Variants in DPRX observed in about 807,000 individuals in gnomAD.
The protein encoded by DPRX is divergent paired-related homeobox.
Under a neutral mutation model 8.4 loss-of-function variants are expected in DPRX, and 11 were observed. The ratio of observed to expected loss-of-function variants is 1.31; its 90% CI spans 0.82 to 2.17. The LOEUF is 2.17. Ranked by LOEUF, DPRX falls within the 30% of genes most tolerant of loss-of-function variation. DPRX has a pLI of 0.00. For missense variants in DPRX, 211 were observed against 236.7 expected, an observed-to-expected ratio of 0.89 and a Z score of 0.71; for synonymous variants, 72 against 87.0, an observed-to-expected ratio of 0.83 and a Z score of 0.96.
At chr19:53,616,225 C>T in the DPRX span, among the ~76,000 whole-genome samples, 1 of 151,806 alleles carries the variant, frequency 6.6e-6, no homozygotes, top group Admixed American at 6.6e-5. Context: ...GCACTCCAGC[C>T]TGGGCAACAA....
the DPRX span, among the ~76,000 whole-genome samples, chr19:53,618,015 A>ATG: frequency 6.6e-6 from 1 of 151,106 alleles, no homozygotes; most frequent in Non-Finnish European, 1.5e-5. Flanking sequence ...GTGGCGGGGC[A>ATG]CCTGTAATCC....
At chr19:53,617,910 T>C in the DPRX span, among the ~76,000 whole-genome samples, 11 of 151,760 alleles carry the variant, frequency 7.2e-5, no homozygotes, top group East Asian at 1.9e-4. Context: ...GAGGCCAAGG[T>C]GGGCAGATCA....
At chr19:53,608,728 G>A in the DPRX span, among the ~76,000 whole-genome samples, 2 of 151,758 alleles carry the variant, frequency 1.3e-5, no homozygotes, top group African/African-American at 4.8e-5. Context: ...TGAGGCGGGC[G>A]GATCACGAGG....
At chr19:53,618,241 C>T in the DPRX span, among the ~76,000 whole-genome samples, 1 of 151,768 alleles carries the variant, frequency 6.6e-6, no homozygotes, top group Admixed American at 6.6e-5. Flanking sequence ...CCCCTTAACA[C>T]TTTTTGGAGA....
the DPRX span, among the ~76,000 whole-genome samples, chr19:53,615,537 T>G: frequency 2.0e-5 from 3 of 152,132 alleles, no homozygotes; most frequent in South Asian, 6.2e-4. Flanking sequence ...CACCTTGGCC[T>G]CCCAAAATGC....
the DPRX span, among the ~76,000 whole-genome samples, chr19:53,611,190 C>T: frequency 1.3e-5 from 2 of 152,244 alleles, no homozygotes; most frequent in Non-Finnish European, 2.9e-5. Context: ...GCGCGAGCCA[C>T]AGAGCCCAGC....
chr19:53,627,094 T>G (rs2091074309), upstream of DPRX, among the ~76,000 whole-genome samples: 1 of 152,094 alleles, frequency 6.6e-6, no homozygotes, highest in Non-Finnish European at 1.5e-5. Flanking sequence ...CAGCCCTATT[T>G]GCGCAGTAGA....
upstream of DPRX, among the ~76,000 whole-genome samples, chr19:53,630,323 G>C (rs1206952472): frequency 1.3e-5 from 2 of 152,104 alleles, no homozygotes; most frequent in Non-Finnish European, 2.9e-5. Flanking sequence ...ACTTTGGGAG[G>C]CTGAGGTGGG....
At chr19:53,607,378 C>A in the DPRX span, among the ~76,000 whole-genome samples, 2 of 150,844 alleles carry the variant, frequency 1.3e-5, no homozygotes, top group Admixed American at 1.3e-4. Context: ...GGCAACATGG[C>A]AAAACCCCAT....
chr19:53,634,551 C>G (rs2091105102), exon 2 of DPRX: 1 of 1,613,466 alleles, frequency 6.2e-7, no homozygotes, highest in Non-Finnish European at 8.5e-7. Flanking sequence ...GATGCATTCA[C>G]ACAGGAAACG....
upstream of DPRX, among the ~76,000 whole-genome samples, chr19:53,628,176 C>T (rs1434426031): frequency 2.0e-5 from 3 of 151,964 alleles, no homozygotes; most frequent in Non-Finnish European, 2.9e-5. Flanking sequence ...CAGTGGCCCA[C>T]GCCTATAATC....
chr19:53,615,656 C>T, the DPRX span, among the ~76,000 whole-genome samples: 6 of 151,712 alleles, frequency 4.0e-5, no homozygotes, highest in Non-Finnish European at 8.8e-5. Context: ...GAAATCTTTT[C>T]CTAGTTTCTT....
exon 3 of DPRX, chr19:53,636,906 C>T (rs780301773): frequency 6.2e-7 from 1 of 1,613,820 alleles, no homozygotes; most frequent in Non-Finnish European, 8.5e-7. Context: ...TGCCTCTACC[C>T]CATTTTGGAA....
At position 53,633,626 on chromosome 19, in the gene DPRX, C is replaced by T. The variant is rs187054715; in HGVS notation, c.29-905C>T. 4.5e-3 allele frequency among the ~76,000 whole-genome samples: 684 copies of T among 152,242 alleles called. 4 individuals carry two copies. Among genetic ancestry groups the T allele is most frequent in the African/African-American group, 0.016 (657 of 41,562 alleles). On this transcript the variant is annotated intron_variant, in intron 1 of 2. Coordinates refer to ENST00000376650, the Ensembl canonical transcript of DPRX. ...TGAGGTTCAAGCGATTCTCCTGCCT[C>T]AGCCTCCCGAGTAGCTGGGACTACA...
chr19:53,609,588 G>A, the DPRX span, among the ~76,000 whole-genome samples: 1 of 151,488 alleles, frequency 6.6e-6, no homozygotes, highest in African/African-American at 2.4e-5. Context: ...TGTACCGGCT[G>A]GCCACCGTGG....
At chr19:53,632,666 G>A (rs1212715951) in intron 1 of DPRX, among the ~76,000 whole-genome samples, 1 of 151,986 alleles carries the variant, frequency 6.6e-6, no homozygotes, top group African/African-American at 2.4e-5. Context: ...TTGGTCTCAA[G>A]CCCCTGACCT....
At chr19:53,616,869 G>A in the DPRX span, 465 of 1,584,834 alleles carry the variant, frequency 2.9e-4, 3 homozygotes, top group East Asian at 7.6e-3. Flanking sequence ...TGAAGAAGCC[G>A]CCCTGGCTGC....
At chr19:53,622,394 TG>T in the DPRX span, among the ~76,000 whole-genome samples, 1 of 152,098 alleles carries the variant, frequency 6.6e-6, no homozygotes, top group Non-Finnish European at 1.5e-5. Flanking sequence ...CCCAGCATTT[TG>T]GGAGACTGAG....
the DPRX span, chr19:53,601,402 C>T: frequency 2.2e-6 from 1 of 455,642 alleles, no homozygotes; most frequent in South Asian, 1.6e-5. Context: ...CGTGAGCACA[C>T]CACGAACGTC....
Sources: gnomAD v4.1 joint callset for allele counts (sites outside exome capture counted in the v4.1 genomes callset) on GRCh38, gnomAD v4.1.1 for gene constraint, MANE v1.5 for transcripts, NCBI Gene and HGNC (gene_info 2026-07-23, HGNC 2026-07-21) for gene names.